FARP1: variants seen among roughly 807,000 people sequenced by gnomAD.
FARP1 encodes FERM, ARHGEF and pleckstrin domain-containing protein 1.
Under a neutral mutation model 128.8 loss-of-function variants are expected in FARP1, and 52 were observed. The observed-to-expected ratio is 0.40, with a 90% CI of 0.32 to 0.51. The LOEUF is 0.51. Among genes scored for constraint, FARP1 ranks in the 20% least tolerant of loss-of-function variants. The pLI, the probability that FARP1 is intolerant of heterozygous loss-of-function variation, is 0.45. For missense variants in FARP1, 1,333 were observed against 1,367.9 expected, an observed-to-expected ratio of 0.97 and a Z score of 0.40; for synonymous variants, 580 against 551.8, an observed-to-expected ratio of 1.05 and a Z score of -0.72.
At chr13:98,336,044 A>G (rs1310809455) in intron 2 of FARP1, among the ~76,000 whole-genome samples, 2 of 152,202 alleles carry the variant, frequency 1.3e-5, no homozygotes, top group Admixed American at 6.5e-5. Context: ...GATTTCCACA[A>G]GGCAGTACTT....
At chr13:98,391,227 A>T (rs1212732070) in intron 11 of FARP1, among the ~76,000 whole-genome samples, 2 of 152,248 alleles carry the variant, frequency 1.3e-5, no homozygotes, top group Non-Finnish European at 2.9e-5. Flanking sequence ...TTGTATTGAA[A>T]GCATGTCTAT....
chr13:98,161,762 C>A (rs892883721), intron 1 of FARP1, among the ~76,000 whole-genome samples: 3 of 151,886 alleles, frequency 2.0e-5, no homozygotes, highest in African/African-American at 7.3e-5. Context: ...TCCCTCCCTC[C>A]ATCGTTCCTT....
At chr13:98,298,732 A>G (rs2139690873) in intron 2 of FARP1, among the ~76,000 whole-genome samples, 1 of 152,296 alleles carries the variant, frequency 6.6e-6, no homozygotes, top group East Asian at 1.9e-4. Context: ...CTGGCCTTCT[A>G]GGAGCTTAGA....
chr13:98,422,388 C>T (rs1169953507), intron 16 of FARP1, among the ~76,000 whole-genome samples: 1 of 152,122 alleles, frequency 6.6e-6, no homozygotes, highest in Non-Finnish European at 1.5e-5. Flanking sequence ...CCAATTAAAG[C>T]AGCTAAGAGA....
intron 24 of FARP1, among the ~76,000 whole-genome samples, chr13:98,443,370 C>T (rs1892609194): frequency 6.6e-6 from 1 of 152,182 alleles, no homozygotes; most frequent in Non-Finnish European, 1.5e-5. Context: ...CCAGAAAGCC[C>T]CCTCCCAAGG....
At chr13:98,160,476 C>T (rs1594212804) in intron 1 of FARP1, among the ~76,000 whole-genome samples, 1 of 152,072 alleles carries the variant, frequency 6.6e-6, no homozygotes, top group East Asian at 1.9e-4. Flanking sequence ...TAAAAATAGC[C>T]TCGTTTCTTT....
At chr13:98,163,142 T>C (rs1236339597) in intron 1 of FARP1, among the ~76,000 whole-genome samples, 5 of 152,070 alleles carry the variant, frequency 3.3e-5, no homozygotes, top group Admixed American at 2.6e-4. Flanking sequence ...TATGCAACCA[T>C]AAAAAAGAAC....
intron 1 of FARP1, among the ~76,000 whole-genome samples, chr13:98,186,897 C>T (rs1417666710): frequency 3.6e-5 from 5 of 137,600 alleles, no homozygotes; most frequent in East Asian, 2.3e-4. Context: ...GAGGCTGAGG[C>T]GTAAGAATTG....
At chr13:98,154,139 C>T (rs762931547) in intron 1 of FARP1, among the ~76,000 whole-genome samples, 3 of 152,180 alleles carry the variant, frequency 2.0e-5, no homozygotes, top group Non-Finnish European at 4.4e-5. Context: ...AGTATTCCAT[C>T]ATATGGATGT....
At chr13:98,243,676 G>A (rs1397716641) in intron 2 of FARP1, among the ~76,000 whole-genome samples, 1 of 130,270 alleles carries the variant, frequency 7.7e-6, no homozygotes, top group East Asian at 2.1e-4. Context: ...CAGCCTGGGC[G>A]ACAGAGAGAG....
intron 2 of FARP1, among the ~76,000 whole-genome samples, chr13:98,241,019 C>T (rs968883188): frequency 1.3e-5 from 2 of 152,216 alleles, no homozygotes; most frequent in Admixed American, 6.5e-5. Context: ...AATCCCCGCC[C>T]TAGCGAAGAT....
intron 2 of FARP1, among the ~76,000 whole-genome samples, chr13:98,258,155 G>A (rs1393257455): frequency 6.6e-6 from 1 of 152,108 alleles, no homozygotes; most frequent in Non-Finnish European, 1.5e-5. Context: ...TTTTAGTAGA[G>A]ATGGGGTTTC....
At position 98,176,410 on chromosome 13, in the gene FARP1, C is replaced by T. The variant is rs369474969; in HGVS notation, c.-24+32918C>T. On this transcript the variant is annotated intron_variant, in intron 1 of 26. Coordinates refer to ENST00000319562, the MANE Select transcript of FARP1 (RefSeq NM_005766.4). This position sits in a 1 kb window ranked among gnomAD's most constrained non-coding sequence, Gnocchi z 6.2. ...GAAGTGCTCCAGCGCGCAGCTCTCG[C>T]AGAAATAATGCCTGCACTTGGTGAC... The T allele has an allele frequency of 1.2e-5, 20 of 1,614,098 alleles. No homozygotes were observed. The highest frequency in any genetic ancestry group is 8.3e-5 in the Admixed American group (5 of 60,002).
At chr13:98,326,340 A>G (rs1176505714) in intron 2 of FARP1, among the ~76,000 whole-genome samples, 1 of 152,000 alleles carries the variant, frequency 6.6e-6, no homozygotes, top group African/African-American at 2.4e-5. Context: ...AAAATTTACC[A>G]CCTTCATCGT....
chr13:98,425,325 A>G (rs1258011886), intron 17 of FARP1: 2 of 152,102 alleles, frequency 1.3e-5, no homozygotes, highest in Non-Finnish European at 2.9e-5. Context: ...TAGGTATTTC[A>G]GTAAATTCTA....
chr13:98,422,455 A>G (rs1275396025), intron 16 of FARP1, among the ~76,000 whole-genome samples: 2 of 152,182 alleles, frequency 1.3e-5, no homozygotes, highest in Non-Finnish European at 2.9e-5. Context: ...GTTGAAGACC[A>G]CCAGCACACA....
In FARP1 at chr13:98,454,520, G is replaced by A. The variant is rs1218562380; in HGVS notation, c.*6203G>A. On this transcript the variant is annotated 3_prime_UTR_variant, in exon 27 of 27. Coordinates refer to ENST00000319562, the MANE Select transcript of FARP1 (RefSeq NM_005766.4). ...CCTCCCAAAAGCACACATTAGCCACGGAGCCTAAGACTCAACTATCAAGAA... is the reference window on the plus strand; with the variant it reads ...CCTCCCAAAAGCACACATTAGCCACAGAGCCTAAGACTCAACTATCAAGAA... 2 of 152,148 alleles carry A rather than the reference G, an allele frequency of 1.3e-5. No homozygotes were observed. Among genetic ancestry groups the A allele is most frequent in the African/African-American group, 2.4e-5 (1 of 41,426 alleles). The allele number at this position is 152,148 out of a possible 1,614,324, so 9.4% of individuals were successfully genotyped here. A position where few individuals can be genotyped will look rare whatever the true frequency, so the allele number is the denominator to read the frequency against.
intron 13 of FARP1, chr13:98,404,203 A>G (rs1254782968): frequency 2.0e-5 from 3 of 152,262 alleles, no homozygotes; most frequent in Non-Finnish European, 1.5e-5. Context: ...GAATTGCTTG[A>G]TGATGAACTG....
intron 2 of FARP1, among the ~76,000 whole-genome samples, chr13:98,334,660 A>T (rs1242342859): frequency 6.6e-6 from 1 of 152,188 alleles, no homozygotes; most frequent in East Asian, 1.9e-4. Context: ...CCTACCCACC[A>T]TGTGGCTGTA....
Sources: gnomAD v4.1 joint callset for allele counts (sites outside exome capture counted in the v4.1 genomes callset) on GRCh38, gnomAD v4.1.1 for gene constraint, Gnocchi (gnomAD v3.1) non-coding constraint, MANE v1.5 for transcripts, NCBI Gene and HGNC (gene_info 2026-07-23, HGNC 2026-07-21) for gene names.